The following MYH10 variants were observed in gnomAD, a reference collection of about 807,000 sequenced individuals.
MYH10 encodes myosin-10.
In MYH10, 55 loss-of-function variants were observed where a neutral mutation model predicts 257.8. The observed-to-expected ratio is 0.21, with a 90% CI of 0.17 to 0.27. The LOEUF (loss-of-function observed/expected upper bound fraction) is 0.27, where lower values mean the gene tolerates loss of function less well. Among genes scored for constraint, MYH10 ranks in the 10% least tolerant of loss-of-function variants. The pLI, the probability that MYH10 is intolerant of heterozygous loss-of-function variation, is 1.00. For synonymous variants in MYH10, 854 were observed against 921.7 expected (o/e 0.93, Z 1.33); for missense variants, 1,631 against 2,500.6 (o/e 0.65, Z 7.42).
intron 21 of MYH10, among the ~76,000 whole-genome samples, chr17:8,517,821 C>T (rs1379230421): frequency 6.6e-6 from 1 of 152,218 alleles, no homozygotes; most frequent in Non-Finnish European, 1.5e-5. Context: ...TGCTCCCTCT[C>T]ACCCATCCTG....
intron 37 of MYH10, 36 bp downstream of exon 37, chr17:8,484,102 A>ATATT (rs1914344484): frequency 6.8e-7 from 1 of 1,470,770 alleles, no homozygotes; most frequent in Admixed American, 2.6e-5. Flanking sequence ...AAGGGCAAAT[A>ATATT]TATTTGTTGA....
At chr17:8,508,509 A>G (rs200456695) in intron 26 of MYH10, 45 bp downstream of exon 26, 26 of 1,610,534 alleles carry the variant, frequency 1.6e-5, no homozygotes, top group Non-Finnish European at 2.5e-6. Context: ...AAAGCTAAAC[A>G]CTCACATGTC....
At position 8,499,501 on chromosome 17, in the gene MYH10, A is replaced by T. The variant is rs541410382; in HGVS notation, c.3745-25T>A. The T allele has an allele frequency of 3.1e-6, 5 of 1,609,382 alleles. No individual in the cohort carries two copies. The African/African-American group carries it at 4.0e-5, about 13-fold the overall frequency. On this transcript the variant is annotated intron_variant, in intron 29 of 42. Coordinates refer to ENST00000360416, the MANE Select transcript of MYH10 (RefSeq NM_001256012.3). ...ACTAGGAGACGGAAGGGAAAACATA[A>T]TTCACTAGTTATTTTCTAAAACTCC...
intron 1 of MYH10, chr17:8,623,510 AAAAG>A: frequency 1.3e-5 from 3 of 225,604 alleles, no homozygotes; most frequent in Non-Finnish European, 1.7e-5. Context: ...GAGGGCAAAA[AAAAG>A]AAAAGAAAAG....
chr17:8,541,773 T>C (rs2082296047), intron 14 of MYH10, among the ~76,000 whole-genome samples: 1 of 152,116 alleles, frequency 6.6e-6, no homozygotes, highest in South Asian at 2.1e-4. Context: ...AAATAAAGTG[T>C]CAGGTGGAGC....
At chr17:8,480,033 C>CT (rs397747161) in intron 40 of MYH10, 77 bp downstream of exon 40, 103 of 1,481,356 alleles carry the variant, frequency 7.0e-5, no homozygotes, top group East Asian at 1.6e-4. Flanking sequence ...GGAGCCCCCC[C>CT]GAAAGGGGCA....
rs112591016 is a variant in MYH10 at position 8,569,952 on chromosome 17, CT to C, written c.664-141del. 1.6e-3 allele frequency: 952 copies of C among 588,306 alleles called. 9 individuals carry two copies. The highest frequency in any genetic ancestry group is 0.016 in the African/African-American group (840 of 52,870). The allele number at this position is 588,306 out of a possible 1,614,324, so 36.4% of individuals were successfully genotyped here. A position where few individuals can be genotyped will look rare whatever the true frequency, so the allele number is the denominator to read the frequency against. ...TTTCATTCTGTCTGCCATCCAGCAA[CT>C]TTTGTTGGCTTCTTAATCCTGGTTA... On this transcript the variant is annotated intron_variant, in intron 6 of 42. Transcript: ENST00000360416. This position sits in a 1 kb window ranked among gnomAD's most constrained non-coding sequence, Gnocchi z 4.1.
chr17:8,486,495 C>CTCTA (rs1469889171), intron 36 of MYH10, among the ~76,000 whole-genome samples: 15 of 147,586 alleles, frequency 1.0e-4, no homozygotes, highest in Admixed American at 2.0e-4. Context: ...CAGACTGAGA[C>CTCTA]TCTATCTCTG....
intron 16 of MYH10, among the ~76,000 whole-genome samples, chr17:8,531,851 G>A (rs1195135891): frequency 6.6e-6 from 1 of 152,126 alleles, no homozygotes; most frequent in African/African-American, 2.4e-5. Flanking sequence ...TGTTTTTCCA[G>A]GGTTATTTTT....
intron 1 of MYH10, among the ~76,000 whole-genome samples, chr17:8,630,111 C>T (rs2085853526): frequency 6.6e-6 from 1 of 152,028 alleles, no homozygotes; most frequent in Non-Finnish European, 1.5e-5. Flanking sequence ...CGCAGGGGCC[C>T]TTCCTGCCCA....
chr17:8,521,795 G>A (rs966659221), intron 17 of MYH10, among the ~76,000 whole-genome samples: 1 of 152,156 alleles, frequency 6.6e-6, no homozygotes, highest in African/African-American at 2.4e-5. Flanking sequence ...AGTCATTCAA[G>A]TTTTAGGAAC....
At chr17:8,588,887 A>C (rs2084016448) in intron 4 of MYH10, among the ~76,000 whole-genome samples, 194 bp downstream of exon 4, 1 of 152,230 alleles carries the variant, frequency 6.6e-6, no homozygotes, top group African/African-American at 2.4e-5. Flanking sequence ...AAATGTGTGA[A>C]AAGCCCAGAC....
chr17:8,520,220 T>A (rs1264571573), intron 19 of MYH10, among the ~76,000 whole-genome samples: 1 of 152,188 alleles, frequency 6.6e-6, no homozygotes, highest in Non-Finnish European at 1.5e-5. Flanking sequence ...AAATCAATTT[T>A]AAAAATAATT....
intron 14 of MYH10, among the ~76,000 whole-genome samples, chr17:8,537,500 T>A (rs1490655013): frequency 6.6e-6 from 1 of 152,166 alleles, no homozygotes; most frequent in African/African-American, 2.4e-5. Context: ...GAAAGAATTG[T>A]CAGGGTTTCA....
intron 41 of MYH10, 127 bp downstream of exon 41, chr17:8,478,211 C>T: frequency 3.8e-6 from 3 of 797,816 alleles, no homozygotes; most frequent in Non-Finnish European, 6.1e-6. Flanking sequence ...GAACATGGAA[C>T]AGCCCACGTT....
At position 8,489,373 on chromosome 17, in the gene MYH10, A is replaced by G. The variant is rs564189724; in HGVS notation, c.4884+967T>C. Among the ~76,000 whole-genome samples, 265 of 152,334 alleles carry G rather than the reference A, an allele frequency of 1.7e-3. 1 individual carries two copies. The highest frequency in any genetic ancestry group is 6.2e-3 in the African/African-American group (256 of 41,580). Reference sequence around the variant, plus strand: ...ATCCAGCAATAAATGATCAATAATTAGTGGAGTGAAAATAACAAAATAAAG... The same window carrying G: ...ATCCAGCAATAAATGATCAATAATTGGTGGAGTGAAAATAACAAAATAAAG... On this transcript the variant is annotated intron_variant, in intron 35 of 42. Transcript: ENST00000360416.
At chr17:8,528,041 T>C (rs1406504316) in intron 17 of MYH10, among the ~76,000 whole-genome samples, 4 of 152,238 alleles carry the variant, frequency 2.6e-5, no homozygotes, top group Admixed American at 2.0e-4. Flanking sequence ...TTATCAGTCA[T>C]GATACTTGAC....
intron 1 of MYH10, among the ~76,000 whole-genome samples, chr17:8,628,779 G>A (rs2152117020): frequency 6.6e-6 from 1 of 152,260 alleles, no homozygotes; most frequent in Non-Finnish European, 1.5e-5. Flanking sequence ...ATGTGATAAA[G>A]TGCATAAACC....
chr17:8,506,976 T>TAGAGG lies in MYH10; in HGVS notation c.3215-488_3215-487insCCTCT, dbSNP rs1254499735. ...TGGGCAGAGAGGGCCAGGCCTTTTC[T>TAGAGG]CCACCCTCCCCTCTAAAATTCTGCA... On this transcript the variant is annotated intron_variant, in intron 26 of 42. Transcript: ENST00000360416. The surrounding 1 kb of genome is among the most constrained non-coding windows in gnomAD (Gnocchi z 5.0). Among the ~76,000 whole-genome samples, 1 of 152,206 alleles carries TAGAGG rather than the reference T, an allele frequency of 6.6e-6. No homozygotes were observed. Among genetic ancestry groups the TAGAGG allele is most frequent in the East Asian group, 1.9e-4 (1 of 5,192 alleles).
Sources: gnomAD v4.1 joint callset for allele counts (sites outside exome capture counted in the v4.1 genomes callset) on GRCh38, gnomAD v4.1.1 for gene constraint, Gnocchi (gnomAD v3.1) non-coding constraint, MANE v1.5 for transcripts, NCBI Gene and HGNC (gene_info 2026-07-23, HGNC 2026-07-21) for gene names.